Variants in STPG2 observed in about 807,000 individuals in gnomAD.
STPG2 encodes the protein sperm-tail PG-rich repeat-containing protein 2.
STPG2 carries 56 observed loss-of-function variants against 54.2 expected under a neutral mutation model. That is an observed-to-expected ratio of 1.03 (90% CI 0.83 to 1.29). The LOEUF (loss-of-function observed/expected upper bound fraction) is 1.29. STPG2 is among the 50% of genes most tolerant of loss of function. STPG2 has a pLI of 0.00. For synonymous variants in STPG2, 200 were observed against 181.8 expected (o/e 1.10, Z -0.81); for missense variants, 596 against 544.9 (o/e 1.09, Z -0.93).
chr4:97,535,731 C>A (rs1011879353), intron 4 of STPG2, among the ~76,000 whole-genome samples: 1 of 152,058 alleles, frequency 6.6e-6, no homozygotes, highest in Admixed American at 6.6e-5. Context: ...TATGCCTATG[C>A]TGCTTCAGAT....
intron 8 of STPG2, among the ~76,000 whole-genome samples, chr4:97,885,134 G>T (rs1209498295): frequency 6.6e-6 from 1 of 151,598 alleles, no homozygotes; most frequent in Non-Finnish European, 1.5e-5. Flanking sequence ...TTATATCAAT[G>T]TGGGAAAGTC....
At position 97,704,984 on chromosome 4, in the gene STPG2, G is replaced by T. The variant is rs1343562733; in HGVS notation, c.1320+7715C>A. Among the ~76,000 whole-genome samples, 3 of 152,064 alleles carry T rather than the reference G, an allele frequency of 2.0e-5. No homozygotes were observed. In the South Asian group the frequency reaches 6.2e-4, roughly 32 times the overall value. On this transcript the variant is annotated intron_variant, in intron 10 of 10. Transcript: ENST00000295268. ...TTAAAATATTAAAAAATAAAACACT[G>T]GGTGTTGCTTGATTTGTATTAATAT... is the stretch of plus-strand genomic sequence containing the variant.
intron 4 of STPG2, among the ~76,000 whole-genome samples, chr4:97,456,794 G>C (rs1578313523): frequency 6.7e-6 from 1 of 150,372 alleles, no homozygotes; most frequent in South Asian, 2.1e-4. Context: ...TACTCAGGAG[G>C]CTGAGGCAGG....
In STPG2 at chr4:98,111,937, C is replaced by G. The variant is rs540654881; in HGVS notation, c.388-2632G>C. Among the ~76,000 whole-genome samples, 17 of 152,194 alleles carry G rather than the reference C, an allele frequency of 1.1e-4. No homozygotes were observed. In the South Asian group the frequency reaches 3.5e-3, roughly 31 times the overall value. On this transcript the variant is annotated intron_variant, in intron 3 of 10. Coordinates refer to ENST00000295268, the MANE Select transcript of STPG2 (RefSeq NM_174952.3). ...CTTTGGATTCTTGGACTTTCCCCAG[C>G]AGCCCCTCAGGTTCTCAGGCTTTTA...
At chr4:97,922,482 C>A (rs1303871693) in intron 8 of STPG2, among the ~76,000 whole-genome samples, 1 of 152,066 alleles carries the variant, frequency 6.6e-6, no homozygotes, top group Admixed American at 6.5e-5. Flanking sequence ...ACTGAGAATG[C>A]CTTTGTTGTA....
chr4:97,509,345 A>G (rs978172135), intron 4 of STPG2, among the ~76,000 whole-genome samples: 1 of 152,116 alleles, frequency 6.6e-6, no homozygotes, highest in East Asian at 1.9e-4. Context: ...ATTCATTGTT[A>G]TGAGCTTTAG....
intron 5 of STPG2, among the ~76,000 whole-genome samples, chr4:98,075,867 A>T (rs543044562): frequency 1.3e-5 from 2 of 152,294 alleles, no homozygotes; most frequent in African/African-American, 4.8e-5. Context: ...TTTTTTAGGG[A>T]GTTTAACTAT....
chr4:97,743,162 TCA>T lies in STPG2; in HGVS notation c.1205-30350_1205-30349del, dbSNP rs1725320038. 2.0e-5 allele frequency among the ~76,000 whole-genome samples: 3 copies of T among 151,898 alleles called. No homozygotes were observed. In the South Asian group the frequency reaches 6.2e-4, roughly 32 times the overall value. On this transcript the variant is annotated intron_variant, in intron 9 of 10. Coordinates refer to ENST00000295268, the MANE Select transcript of STPG2 (RefSeq NM_174952.3). ...ATTTTGTTTCCTCTTAAGGTATACA[TCA>T]CAGAGTGTCAAGAGCGAAGATCTGG... is the stretch of plus-strand genomic sequence containing the variant.
chr4:97,713,469 T>C (rs1724195378), intron 9 of STPG2, among the ~76,000 whole-genome samples: 2 of 152,178 alleles, frequency 1.3e-5, no homozygotes, highest in East Asian at 3.8e-4. Context: ...CTAAAAACTT[T>C]TGAGAACCAC....
intron 5 of STPG2, among the ~76,000 whole-genome samples, chr4:98,007,731 T>C (rs1735617664): frequency 6.6e-6 from 1 of 151,596 alleles, no homozygotes; most frequent in Non-Finnish European, 1.5e-5. Flanking sequence ...ATTCAGAATA[T>C]GAATGAGAAA....
intron 10 of STPG2, among the ~76,000 whole-genome samples, chr4:97,567,534 A>G (rs901269925): frequency 1.3e-5 from 2 of 151,434 alleles, no homozygotes; most frequent in Non-Finnish European, 2.9e-5. Flanking sequence ...ACAATAAGAA[A>G]AGAGATTTGC....
At chr4:97,636,546 T>A (rs1281410185) in intron 10 of STPG2, among the ~76,000 whole-genome samples, 2 of 148,508 alleles carry the variant, frequency 1.3e-5, no homozygotes, top group Non-Finnish European at 3.0e-5. Context: ...AATTAATGAA[T>A]CCAGGAGCTG....
intron 8 of STPG2, among the ~76,000 whole-genome samples, chr4:97,863,400 G>A (rs185960967): frequency 6.6e-6 from 1 of 152,294 alleles, no homozygotes; most frequent in African/African-American, 2.4e-5. Context: ...AAGCCAGGAA[G>A]AAGTTGAATC....
chr4:97,487,750 T>C (rs1254310014), intron 4 of STPG2, among the ~76,000 whole-genome samples: 1 of 151,460 alleles, frequency 6.6e-6, no homozygotes, highest in African/African-American at 2.4e-5. Context: ...TTGAATACTT[T>C]GGGCTATATT....
At chr4:97,832,317 C>T (rs1728493519) in intron 9 of STPG2, among the ~76,000 whole-genome samples, 1 of 150,232 alleles carries the variant, frequency 6.7e-6, no homozygotes, top group Non-Finnish European at 1.5e-5. Context: ...TTGACAACAC[C>T]CTTCATGCTA....
At chr4:97,701,797 C>A (rs1201800513) in intron 10 of STPG2, among the ~76,000 whole-genome samples, 3 of 152,216 alleles carry the variant, frequency 2.0e-5, no homozygotes, top group Non-Finnish European at 2.9e-5. Context: ...ACTATTCTGA[C>A]TGCTGCTTTG....
chr4:97,997,895 C>A (rs909956715), intron 5 of STPG2, among the ~76,000 whole-genome samples: 1 of 152,078 alleles, frequency 6.6e-6, no homozygotes, highest in Non-Finnish European at 1.5e-5. Flanking sequence ...ACCTATATAA[C>A]AAACCTGCCC....
chr4:97,476,427 T>C (rs1730072837), intron 4 of STPG2, among the ~76,000 whole-genome samples: 1 of 152,150 alleles, frequency 6.6e-6, no homozygotes. Flanking sequence ...CTAATAGTTT[T>C]AATACCATTT....
intron 9 of STPG2, among the ~76,000 whole-genome samples, chr4:97,810,376 A>G (rs892543047): frequency 6.6e-6 from 1 of 151,714 alleles, no homozygotes; most frequent in Non-Finnish European, 1.5e-5. Context: ...AGGCAGGAGA[A>G]TCGCTTGAAC....
Sources: gnomAD v4.1 joint callset for allele counts (sites outside exome capture counted in the v4.1 genomes callset) on GRCh38, gnomAD v4.1.1 for gene constraint, MANE v1.5 for transcripts, NCBI Gene and HGNC (gene_info 2026-07-23, HGNC 2026-07-21) for gene names.